Variants in VRK2 observed in about 807,000 individuals in gnomAD.
VRK2 encodes serine/threonine-protein kinase VRK2.
A neutral mutation model predicts 57.6 loss-of-function variants in VRK2; 60 were observed. The observed-to-expected ratio is 1.04, with a 90% CI of 0.85 to 1.29. The LOEUF is 1.29. Among genes scored for constraint, VRK2 ranks in the 50% most tolerant of loss-of-function variants. The pLI, the probability that VRK2 is intolerant of heterozygous loss-of-function variation, is 0.00. For synonymous variants in VRK2, 231 were observed against 199.2 expected (o/e 1.16, Z -1.35); for missense variants, 705 against 588.1 (o/e 1.20, Z -2.06).
Position 58,131,909 on chromosome 2 carries a change from G to GT in VRK2, c.779dup (p.Gln261AlafsTer4). On this transcript the variant is annotated frameshift_variant, in exon 9 of 13. Coordinates refer to ENST00000340157, the MANE Select transcript of VRK2 (RefSeq NM_006296.7). LOFTEE classifies it high-confidence loss of function. Reference sequence around the variant, plus strand: ...ACAGAACCTGAAGGACCCTGTGGCTGTGCAGACTGCTAAAACAAAGTACAA... The same window carrying GT: ...ACAGAACCTGAAGGACCCTGTGGCTGTTGCAGACTGCTAAAACAAAGTACAA... The GT allele has an allele frequency of 6.2e-7, 1 of 1,614,146 alleles. No homozygotes were observed. Among genetic ancestry groups the GT allele is most frequent in the Non-Finnish European group, 8.5e-7 (1 of 1,180,002 alleles).
chr2:57,948,834 T>C (rs934270509), intron 1 of VRK2, among the ~76,000 whole-genome samples: 1 of 151,996 alleles, frequency 6.6e-6, no homozygotes, highest in African/African-American at 2.4e-5. Context: ...AATGAGTATT[T>C]TGAAAGGTCT....
Position 58,141,168 on chromosome 2 carries a change from CAA to C in VRK2, c.1023+1338_1023+1339del, listed in dbSNP as rs1681269932. Among the ~76,000 whole-genome samples, 3 of 151,966 alleles carry C rather than the reference CAA, an allele frequency of 2.0e-5. 1 individual carries two copies. Among genetic ancestry groups the C allele is most frequent in the Admixed American group, 2.0e-4 (3 of 15,222 alleles). On this transcript the variant is annotated intron_variant, in intron 11 of 12. Transcript: ENST00000340157. ...TGTTTTTATCACTTTTGCAACAAAA[CAA>C]AGAGCCATTTCCTTGACGTAGTATT...
intron 1 of VRK2, among the ~76,000 whole-genome samples, chr2:57,983,354 T>C (rs938154738): frequency 1.3e-5 from 2 of 152,224 alleles, no homozygotes; most frequent in African/African-American, 2.4e-5. Context: ...TTTGATTAGA[T>C]TGGGCCCACC....
chr2:57,929,222 A>T (rs1407862724), intron 1 of VRK2, among the ~76,000 whole-genome samples: 1 of 152,208 alleles, frequency 6.6e-6, no homozygotes, highest in Non-Finnish European at 1.5e-5. Flanking sequence ...TCTCAGGAAT[A>T]TACCTGGTGC....
intron 1 of VRK2, among the ~76,000 whole-genome samples, chr2:58,010,392 G>A (rs1374730807): frequency 6.6e-6 from 1 of 152,024 alleles, no homozygotes; most frequent in Non-Finnish European, 1.5e-5. Context: ...TTTCTTTAGA[G>A]TACCAACTCC....
intron 12 of VRK2, chr2:58,147,044 T>C (rs1368106702): frequency 2.6e-6 from 1 of 386,170 alleles, no homozygotes; most frequent in Non-Finnish European, 5.2e-6. Flanking sequence ...TGACCAACAT[T>C]TTATATGATT....
At chr2:58,051,475 A>G (rs72810323) in intron 2 of VRK2, among the ~76,000 whole-genome samples, 10,347 of 152,312 alleles carry the variant, frequency 0.068, 443 homozygotes, top group Middle Eastern at 0.085. Context: ...AAACAAATCA[A>G]TATGAAATTA....
At chr2:58,004,814 AT>A (rs2103632414) in intron 1 of VRK2, among the ~76,000 whole-genome samples, 1 of 152,324 alleles carries the variant, frequency 6.6e-6, no homozygotes, top group South Asian at 2.1e-4. Context: ...TTAGTGAAAT[AT>A]CAAAAAATCC....
intron 1 of VRK2, among the ~76,000 whole-genome samples, chr2:58,006,439 A>C (rs142394551): frequency 7.9e-5 from 12 of 152,316 alleles, no homozygotes; most frequent in Non-Finnish European, 1.5e-4. Context: ...TGGATTTACC[A>C]TTTAAGATCC....
chr2:58,046,594 A>ATTCCCCATGTAGCCGCGCCCTCTCC, upstream of VRK2: 2 of 985,532 alleles, frequency 2.0e-6, no homozygotes, highest in Non-Finnish European at 2.4e-6. Flanking sequence ...CACAGCTCCC[A>ATTCCCCATGTAGCCGCGCCCTCTCC]TTCCCCATGT....
At chr2:58,033,761 C>T (rs1208764027) in intron 3 of VRK2, 3 of 151,950 alleles carry the variant, frequency 2.0e-5, no homozygotes, top group African/African-American at 7.2e-5. Context: ...AGGTTTGATT[C>T]TTCAAAGAAG....
At chr2:58,049,083 C>A in intron 2 of VRK2, 116 bp downstream of exon 2, 1 of 1,276,076 alleles carries the variant, frequency 7.8e-7, no homozygotes, top group Non-Finnish European at 1.1e-6. Context: ...TATTAAAATT[C>A]ATGATTGTAC....
Position 58,084,143 on chromosome 2 carries a change from G to A in VRK2, c.186+5G>A. The A allele has an allele frequency of 3.1e-6, 5 of 1,603,436 alleles. No homozygotes were observed. Among genetic ancestry groups the A allele is most frequent in the Non-Finnish European group, 4.3e-6 (5 of 1,173,412 alleles). ...GCAAGACATGTAGTAAAAGTGGTAA[G>A]TGTTGCTCATAGATTTGTATTTCAC... On this transcript the variant is annotated splice_donor_5th_base_variant and intron_variant, in intron 3 of 12. Transcript: ENST00000340157.
intron 1 of VRK2, among the ~76,000 whole-genome samples, chr2:57,930,726 C>T (rs1255621114): frequency 6.6e-6 from 1 of 152,068 alleles, no homozygotes; most frequent in African/African-American, 2.4e-5. Context: ...TACCCATGGA[C>T]CAGCATCTCC....
chr2:57,930,552 T>C (rs781102541), intron 1 of VRK2, among the ~76,000 whole-genome samples: 5 of 152,174 alleles, frequency 3.3e-5, no homozygotes, highest in Non-Finnish European at 5.9e-5. Context: ...TGGTTTTTAG[T>C]GGTTATAAAG....
intron 9 of VRK2, among the ~76,000 whole-genome samples, chr2:58,134,617 C>CA (rs70954875): frequency 0.23 from 16,524 of 72,626 alleles, 2,259 homozygotes; most frequent in African/African-American, 0.39. Flanking sequence ...GACTCCGTCT[C>CA]AAAAAAAAAA....
In VRK2 at chr2:57,977,144, T is replaced by C. The variant is rs544799822; in HGVS notation, c.-438-48521T>C. 1.1e-3 allele frequency among the ~76,000 whole-genome samples: 167 copies of C among 152,286 alleles called. 3 individuals carry two copies. The highest frequency in any genetic ancestry group is 3.8e-3 in the African/African-American group (159 of 41,560). On this transcript the variant is annotated intron_variant, in intron 1 of 15. Coordinates refer to the VRK2 transcript ENST00000417641. ...TGTAGTATAATTTGAAGTCAGGTAGTGTGATGCCTCTGGCTTTGTTCTTTT... is the reference window on the plus strand; with the variant it reads ...TGTAGTATAATTTGAAGTCAGGTAGCGTGATGCCTCTGGCTTTGTTCTTTT...
chr2:57,916,539 C>T (rs1670158990), intron 1 of VRK2, among the ~76,000 whole-genome samples: 1 of 151,774 alleles, frequency 6.6e-6, no homozygotes, highest in Non-Finnish European at 1.5e-5. Flanking sequence ...CCTCCTTAAG[C>T]CCAATGATAA....
intron 2 of VRK2, among the ~76,000 whole-genome samples, chr2:58,054,280 C>G (rs1676185549): frequency 6.6e-6 from 1 of 151,736 alleles, no homozygotes; most frequent in Non-Finnish European, 1.5e-5. Flanking sequence ...CTGTCAAATT[C>G]TTTTGCCTTA....
Sources: allele counts gnomAD v4.1 joint callset (sites outside exome capture counted in the v4.1 genomes callset), GRCh38; gene constraint gnomAD v4.1.1; transcripts MANE v1.5; gene names NCBI Gene and HGNC (gene_info 2026-07-23, HGNC 2026-07-21).